ZPLD1: variants seen among roughly 807,000 people sequenced by gnomAD.
ZPLD1 encodes zona pellucida like domain containing 1.
In ZPLD1, 34 loss-of-function variants were observed where a neutral mutation model predicts 47.2. The ratio of observed to expected loss-of-function variants is 0.72; its 90% CI spans 0.55 to 0.96. The LOEUF is 0.96. Ranked by LOEUF, ZPLD1 falls within the 40% of genes least tolerant of loss-of-function variation. The pLI, the probability that ZPLD1 is intolerant of heterozygous loss-of-function variation, is 0.00. For synonymous variants in ZPLD1, 176 were observed against 186.2 expected (o/e 0.95, Z 0.45); for missense variants, 512 against 505.8 (o/e 1.01, Z -0.12).
At chr3:102,407,996 T>C (rs943611859) in intron 7 of ZPLD1, among the ~76,000 whole-genome samples, 2 of 151,730 alleles carry the variant, frequency 1.3e-5, no homozygotes, top group Non-Finnish European at 2.9e-5. Context: ...ATAAAGGAAG[T>C]TCAAGAATTA....
intron 6 of ZPLD1, among the ~76,000 whole-genome samples, chr3:102,386,790 TAAAG>T (rs1214261359): frequency 1.3e-5 from 2 of 152,124 alleles, no homozygotes; most frequent in East Asian, 1.9e-4. Context: ...TTTTAGTTAT[TAAAG>T]AAATATATAT....
At position 102,392,524 on chromosome 3, in the gene ZPLD1, CT is replaced by C. The variant is rs1706507697; in HGVS notation, c.-157+301del. Among the ~76,000 whole-genome samples the C allele has an allele frequency of 2.0e-5, 3 of 150,020 alleles. No homozygotes were observed. The South Asian group carries it at 6.3e-4, about 32-fold the overall frequency. ...CCTTCCTTTCTTTCTTCCTTCCTTC[CT>C]TCCTTCCTTCCTCCCTCCCTCCCTT... On this transcript the variant is annotated intron_variant, in intron 7 of 17. Coordinates refer to the ZPLD1 transcript ENST00000491959.
At chr3:102,391,607 A>C (rs1229620582) in intron 6 of ZPLD1, among the ~76,000 whole-genome samples, 1 of 152,060 alleles carries the variant, frequency 6.6e-6, no homozygotes, top group Admixed American at 6.6e-5. Context: ...GGAAGGATCC[A>C]ATAGCCAGAA....
chr3:102,456,489 A>C, intron 5 of ZPLD1, 115 bp downstream of exon 5: 1 of 886,486 alleles, frequency 1.1e-6, no homozygotes. Flanking sequence ...AAATTCAAAC[A>C]ATGTAATGGG....
In ZPLD1 at chr3:102,478,885, T is replaced by C. The variant is rs1707798918; in HGVS notation, c.*1267T>C. ...ATGTGAAGTTACTAGAATTGCCATG[T>C]TAACTATAAGCAATTGCTGTAATCA... On this transcript the variant is annotated 3_prime_UTR_variant, in exon 12 of 12. Coordinates refer to ENST00000466937, the MANE Select transcript of ZPLD1 (RefSeq NM_001329788.2). The C allele has an allele frequency of 6.6e-6, 1 of 152,208 alleles. No homozygotes were observed. Among genetic ancestry groups the C allele is most frequent in the South Asian group, 2.1e-4 (1 of 4,834 alleles). 9.4% of individuals were successfully genotyped at this position (152,208 alleles called of 1,614,324 possible). A position where few individuals can be genotyped will look rare whatever the true frequency, so the allele number is the denominator to read the frequency against.
chr3:102,470,342 G>A (rs1171902749), intron 9 of ZPLD1, 52 bp from the exon 10 acceptor site: 1 of 1,457,572 alleles, frequency 6.9e-7, no homozygotes, highest in Non-Finnish European at 9.6e-7. Context: ...TGGCCATAAA[G>A]AAACAATTCT....
chr3:102,464,393 T>G, intron 8 of ZPLD1, 142 bp downstream of exon 8: 1 of 571,218 alleles, frequency 1.8e-6, no homozygotes, highest in Non-Finnish European at 3.0e-6. Flanking sequence ...CTTTGAGTCC[T>G]TATAAAGCTG....
In ZPLD1 at chr3:102,477,758, C is replaced by A; in HGVS notation, c.*140C>A. The A allele has an allele frequency of 2.6e-6, 2 of 773,580 alleles. No homozygotes were observed. Among genetic ancestry groups the A allele is most frequent in the Non-Finnish European group, 3.8e-6 (2 of 524,044 alleles). The allele number at this position is 773,580 out of a possible 1,614,324, so 47.9% of individuals were successfully genotyped here. On this transcript the variant is annotated 3_prime_UTR_variant, in exon 12 of 12. Coordinates refer to ENST00000466937, the MANE Select transcript of ZPLD1 (RefSeq NM_001329788.2). ...TAAATTTCACAGTATAGCTTGTCAG[C>A]ATAATGATAGTGAAAGAAGTTTATT...
At chr3:102,464,961 A>G (rs1707568823) in intron 8 of ZPLD1, among the ~76,000 whole-genome samples, 1 of 152,206 alleles carries the variant, frequency 6.6e-6, no homozygotes, top group Non-Finnish European at 1.5e-5. Context: ...TAATTGACAC[A>G]TGATGGAAGT....
At chr3:102,446,762 GT>G (rs1470331413) in intron 3 of ZPLD1, among the ~76,000 whole-genome samples, 2 of 152,136 alleles carry the variant, frequency 1.3e-5, no homozygotes, top group Non-Finnish European at 2.9e-5. Flanking sequence ...AGACAAGTTT[GT>G]TTATAATGTT....
intron 3 of ZPLD1, among the ~76,000 whole-genome samples, chr3:102,448,956 A>C (rs1235762659): frequency 2.0e-5 from 3 of 152,060 alleles, no homozygotes; most frequent in African/African-American, 7.2e-5. Flanking sequence ...GTTGTAGTGA[A>C]CTCTCTAACA....
intron 6 of ZPLD1, among the ~76,000 whole-genome samples, chr3:102,387,724 T>C (rs961083993): frequency 1.3e-5 from 2 of 152,200 alleles, no homozygotes; most frequent in Non-Finnish European, 1.5e-5. Context: ...TTTTGAATTT[T>C]CTTTTTTATA....
intron 5 of ZPLD1, among the ~76,000 whole-genome samples, 181 bp from the exon 6 acceptor site, chr3:102,457,600 T>C (rs541163333): frequency 6.6e-6 from 1 of 152,356 alleles, no homozygotes; most frequent in Admixed American, 6.5e-5. Flanking sequence ...TGTCTTTACT[T>C]GTTCCCTCTT....
chr3:102,425,528 C>T (rs1021917373), intron 8 of ZPLD1, among the ~76,000 whole-genome samples: 1 of 152,110 alleles, frequency 6.6e-6, no homozygotes, highest in South Asian at 2.1e-4. Context: ...AGCAACTTTT[C>T]TTTTGACAGA....
At chr3:102,419,648 T>G (rs1559745751) in intron 8 of ZPLD1, among the ~76,000 whole-genome samples, 1 of 150,270 alleles carries the variant, frequency 6.7e-6, no homozygotes, top group African/African-American at 2.4e-5. Context: ...TTTTTTTTTT[T>G]GCAAGGAATC....
chr3:102,431,308 A>C (rs929023139), upstream of ZPLD1, among the ~76,000 whole-genome samples: 5 of 152,134 alleles, frequency 3.3e-5, no homozygotes, highest in Non-Finnish European at 5.9e-5. Flanking sequence ...AGAGCCATAA[A>C]ATTTCTGAAT....
chr3:102,389,170 A>G (rs910332008), intron 6 of ZPLD1, among the ~76,000 whole-genome samples: 2 of 152,228 alleles, frequency 1.3e-5, no homozygotes, highest in African/African-American at 2.4e-5. Context: ...GTCCTTAAAA[A>G]ATAAAAATGG....
chr3:102,429,822 G>A (rs1189714303), intron 8 of ZPLD1, among the ~76,000 whole-genome samples: 2 of 152,098 alleles, frequency 1.3e-5, no homozygotes, highest in East Asian at 1.9e-4. Flanking sequence ...AGATAAAAAA[G>A]ATGAGAAATG....
At chr3:102,397,576 A>T (rs1325944128) in intron 7 of ZPLD1, among the ~76,000 whole-genome samples, 1 of 152,056 alleles carries the variant, frequency 6.6e-6, no homozygotes, top group African/African-American at 2.4e-5. Context: ...AAAGCCTTAA[A>T]TTTTGACAAG....
Sources: gnomAD v4.1 joint callset for allele counts (sites outside exome capture counted in the v4.1 genomes callset) on GRCh38, gnomAD v4.1.1 for gene constraint, MANE v1.5 for transcripts, NCBI Gene and HGNC (gene_info 2026-07-23, HGNC 2026-07-21) for gene names.